The following ZNF385D variants were observed in gnomAD, a reference collection of about 807,000 sequenced individuals.
The protein encoded by ZNF385D is zinc finger protein 385D, also known as zinc finger protein 659.
Under a neutral mutation model 35.8 loss-of-function variants are expected in ZNF385D, and 15 were observed. That is an observed-to-expected ratio of 0.42 (90% CI 0.28 to 0.64). ZNF385D has a LOEUF of 0.64. Ranked by LOEUF, ZNF385D falls within the 30% of genes least tolerant of loss-of-function variation. ZNF385D has a pLI of 0.23. For synonymous variants in ZNF385D, 212 were observed against 186.8 expected, an observed-to-expected ratio of 1.13 and a Z score of -1.10; for missense variants, 474 against 494.6, an observed-to-expected ratio of 0.96 and a Z score of 0.39.
intron 2 of ZNF385D, among the ~76,000 whole-genome samples, chr3:22,305,450 C>A (rs1054126778): frequency 6.6e-6 from 1 of 152,166 alleles, no homozygotes; most frequent in Non-Finnish European, 1.5e-5. Context: ...TGGCTTAAAG[C>A]AGTAGGAGTT....
chr3:21,603,151 G>A (rs140298410), intron 2 of ZNF385D, among the ~76,000 whole-genome samples: 21 of 152,298 alleles, frequency 1.4e-4, no homozygotes, highest in African/African-American at 4.8e-4. Flanking sequence ...AGCCATATAG[G>A]AGACAAGAAG....
chr3:22,132,083 G>A (rs1265710747), intron 3 of ZNF385D, among the ~76,000 whole-genome samples: 1 of 152,134 alleles, frequency 6.6e-6, no homozygotes, highest in East Asian at 1.9e-4. Flanking sequence ...TAGGGTATAT[G>A]CAAAGAAGTG....
At chr3:21,736,919 G>T (rs1354753829) in intron 1 of ZNF385D, among the ~76,000 whole-genome samples, 1 of 152,130 alleles carries the variant, frequency 6.6e-6, no homozygotes, top group East Asian at 1.9e-4. Context: ...GATTAAATAT[G>T]CCTTTTCCCA....
At chr3:21,783,307 T>C (rs189797716) in intron 3 of ZNF385D, among the ~76,000 whole-genome samples, 1 of 152,250 alleles carries the variant, frequency 6.6e-6, no homozygotes, top group East Asian at 1.9e-4. Flanking sequence ...CATTAAATTA[T>C]ATTCAAAATT....
intron 2 of ZNF385D, among the ~76,000 whole-genome samples, chr3:22,256,841 C>G (rs1219849741): frequency 2.6e-5 from 4 of 151,774 alleles, no homozygotes; most frequent in East Asian, 1.9e-4. Flanking sequence ...TTCACAGATT[C>G]ATTTTCTCAG....
At chr3:21,642,643 T>C (rs950068703) in intron 2 of ZNF385D, among the ~76,000 whole-genome samples, 1 of 152,150 alleles carries the variant, frequency 6.6e-6, no homozygotes, top group Non-Finnish European at 1.5e-5. Flanking sequence ...GACATATATT[T>C]GCACACAAAT....
chr3:21,871,657 T>A (rs542419278), intron 3 of ZNF385D, among the ~76,000 whole-genome samples: 1 of 152,128 alleles, frequency 6.6e-6, no homozygotes, highest in Non-Finnish European at 1.5e-5. Context: ...TTGATTAAGA[T>A]AGCATCCTGA....
chr3:22,276,479 C>T (rs1030004924), intron 2 of ZNF385D, among the ~76,000 whole-genome samples: 1 of 152,144 alleles, frequency 6.6e-6, no homozygotes, highest in African/African-American at 2.4e-5. Context: ...GATCTATCAA[C>T]TCTTTAGCCA....
intron 3 of ZNF385D, among the ~76,000 whole-genome samples, chr3:22,155,355 T>G (rs1487669698): frequency 2.0e-5 from 3 of 152,072 alleles, no homozygotes; most frequent in Non-Finnish European, 2.9e-5. Context: ...CCCTGATGCT[T>G]GTATTAGTGA....
intron 3 of ZNF385D, among the ~76,000 whole-genome samples, chr3:21,906,964 G>A (rs752580006): frequency 5.3e-5 from 8 of 152,132 alleles, no homozygotes; most frequent in Admixed American, 1.3e-4. Context: ...TCAAGAGCTA[G>A]CAGTGCAGTC....
intron 2 of ZNF385D, among the ~76,000 whole-genome samples, chr3:21,605,272 G>T (rs574770071): frequency 2.0e-5 from 3 of 152,300 alleles, no homozygotes; most frequent in African/African-American, 7.2e-5. Flanking sequence ...TGAAGGTAAA[G>T]ATACCAAAAG....
intron 3 of ZNF385D, among the ~76,000 whole-genome samples, chr3:21,929,643 G>T (rs961341399): frequency 3.9e-5 from 6 of 152,004 alleles, no homozygotes; most frequent in Non-Finnish European, 8.8e-5. Flanking sequence ...AAAATCAATT[G>T]TATTTTTATA....
chr3:22,089,457 A>G (rs919498423), intron 3 of ZNF385D, among the ~76,000 whole-genome samples: 2 of 152,208 alleles, frequency 1.3e-5, no homozygotes, highest in Non-Finnish European at 1.5e-5. Context: ...GTGAGTTCCC[A>G]AAGACAGGCT....
chr3:21,486,902 G>A (rs1361747362), intron 4 of ZNF385D, among the ~76,000 whole-genome samples: 1 of 152,026 alleles, frequency 6.6e-6, no homozygotes, highest in Non-Finnish European at 1.5e-5. Context: ...CTAGGACCAT[G>A]CAAAGCATTA....
At chr3:22,130,256 G>A (rs1264286926) in intron 3 of ZNF385D, among the ~76,000 whole-genome samples, 1 of 152,154 alleles carries the variant, frequency 6.6e-6, no homozygotes, top group Non-Finnish European at 1.5e-5. Flanking sequence ...ACTGCCTAAA[G>A]TTGGGAGAAG....
At chr3:22,187,816 T>C (rs1695740085) in intron 2 of ZNF385D, among the ~76,000 whole-genome samples, 1 of 152,194 alleles carries the variant, frequency 6.6e-6, no homozygotes, top group Non-Finnish European at 1.5e-5. Context: ...TGTAGAGTTG[T>C]CACTGGGATG....
At chr3:21,831,642 A>G (rs997844938) in intron 3 of ZNF385D, among the ~76,000 whole-genome samples, 3 of 152,194 alleles carry the variant, frequency 2.0e-5, no homozygotes, top group Non-Finnish European at 4.4e-5. Context: ...CTCAACTTGT[A>G]GAAGCATAGA....
chr3:22,179,043 G>A (rs1695035074), intron 2 of ZNF385D, among the ~76,000 whole-genome samples: 1 of 152,078 alleles, frequency 6.6e-6, no homozygotes, highest in Non-Finnish European at 1.5e-5. Context: ...TGTTCTTTTG[G>A]CTTAGGATTG....
intron 2 of ZNF385D, among the ~76,000 whole-genome samples, chr3:22,185,205 T>C (rs1695547666): frequency 9.5e-6 from 1 of 105,614 alleles, no homozygotes; most frequent in African/African-American, 3.5e-5. Flanking sequence ...AAGTAATAAA[T>C]GTATAGATCA....
Sources: allele counts gnomAD v4.1 joint callset (sites outside exome capture counted in the v4.1 genomes callset), GRCh38; gene constraint gnomAD v4.1.1; transcripts MANE v1.5; gene names NCBI Gene and HGNC (gene_info 2026-07-23, HGNC 2026-07-21).